Variants in INPP4B observed in about 807,000 individuals in gnomAD.
The protein encoded by INPP4B is inositol polyphosphate-4-phosphatase type II B, also known as inositol polyphosphate 4-phosphatase type II.
A neutral mutation model predicts 122.5 loss-of-function variants in INPP4B; 55 were observed. The ratio of observed to expected loss-of-function variants is 0.45; its 90% CI spans 0.36 to 0.56. The LOEUF is 0.56. Ranked by LOEUF, INPP4B falls within the 20% of genes least tolerant of loss-of-function variation. The pLI is 0.00. For synonymous variants in INPP4B, 403 were observed against 388.7 expected (o/e 1.04, Z -0.43); for missense variants, 1,000 against 1,097.7 (o/e 0.91, Z 1.26).
intron 1 of INPP4B, among the ~76,000 whole-genome samples, chr4:142,745,692 T>G (rs1390040878): frequency 1.3e-5 from 2 of 151,850 alleles, no homozygotes; most frequent in Non-Finnish European, 2.9e-5. Context: ...AAAGTCGATT[T>G]AAATTTGAAA....
chr4:142,128,038 A>G (rs1799401403), intron 18 of INPP4B, among the ~76,000 whole-genome samples: 1 of 152,208 alleles, frequency 6.6e-6, no homozygotes, highest in Non-Finnish European at 1.5e-5. Flanking sequence ...GCTTTAAAAT[A>G]TGTTTTGGGG....
In INPP4B at chr4:142,024,932, T is replaced by C. The variant is rs1185170499; in HGVS notation, c.*3850A>G. 6.6e-6 allele frequency: 1 copy of C among 152,084 alleles called. No homozygotes were observed. The highest frequency in any genetic ancestry group is 1.5e-5 in the Non-Finnish European group (1 of 68,004). 9.4% of individuals were successfully genotyped at this position (152,084 alleles called of 1,614,324 possible). The stretch of plus-strand genomic sequence containing the variant: ...TTTAATTATGAATAAAATATAGTCA[T>C]CAAATATGACTTTTAACCTAATAGG... On this transcript the variant is annotated 3_prime_UTR_variant, in exon 26 of 26. Coordinates refer to ENST00000262992, the MANE Select transcript of INPP4B (RefSeq NM_001101669.3).
chr4:142,628,265 C>T (rs1024926101), intron 2 of INPP4B, among the ~76,000 whole-genome samples: 7 of 147,946 alleles, frequency 4.7e-5, no homozygotes, highest in South Asian at 4.4e-4. Context: ...TTTGTAGGGA[C>T]ATGGATGAAA....
At chr4:142,360,027 T>C (rs999845885) in intron 7 of INPP4B, among the ~76,000 whole-genome samples, 2 of 152,020 alleles carry the variant, frequency 1.3e-5, no homozygotes, top group South Asian at 4.1e-4. Context: ...TGTTACAATA[T>C]GTTTTTGAGT....
intron 11 of INPP4B, among the ~76,000 whole-genome samples, chr4:142,249,548 A>G (rs907729212): frequency 2.6e-5 from 4 of 152,164 alleles, no homozygotes; most frequent in African/African-American, 9.7e-5. Context: ...AGTGTTTCTA[A>G]AAGGAAGGAG....
At chr4:142,070,454 C>T (rs1161062261) in intron 25 of INPP4B, among the ~76,000 whole-genome samples, 10 of 152,154 alleles carry the variant, frequency 6.6e-5, no homozygotes, top group African/African-American at 2.4e-4. Flanking sequence ...TTTCACCATT[C>T]CTCTTCAATA....
chr4:142,227,023 T>C (rs952997007), intron 12 of INPP4B, among the ~76,000 whole-genome samples: 2 of 152,056 alleles, frequency 1.3e-5, no homozygotes, highest in African/African-American at 2.4e-5. Flanking sequence ...ATTCGGCAGG[T>C]GGTTGTGTAG....
At chr4:142,545,795 G>GTATATATATA (rs1211860824) in intron 2 of INPP4B, among the ~76,000 whole-genome samples, 1 of 107,514 alleles carries the variant, frequency 9.3e-6, no homozygotes, top group South Asian at 3.2e-4. Context: ...ATATATGTGT[G>GTATATATATA]TATATATATA....
chr4:142,432,381 A>C (rs1809512464), intron 3 of INPP4B, among the ~76,000 whole-genome samples: 1 of 152,080 alleles, frequency 6.6e-6, no homozygotes, highest in African/African-American at 2.4e-5. Context: ...AGTTTAAAAA[A>C]ATCTGGCAGA....
intron 1 of INPP4B, among the ~76,000 whole-genome samples, chr4:142,844,126 A>G (rs1293905611): frequency 6.6e-6 from 1 of 152,132 alleles, no homozygotes. Flanking sequence ...CTCAAACACA[A>G]CATTTTAAAA....
intron 1 of INPP4B, among the ~76,000 whole-genome samples, chr4:142,775,565 G>A (rs1053213907): frequency 1.5e-5 from 2 of 134,440 alleles, no homozygotes; most frequent in Admixed American, 1.6e-4. Flanking sequence ...AATGGAGATG[G>A]GGTCTCACTG....
At chr4:142,287,907 G>C (rs1754547953) in intron 9 of INPP4B, among the ~76,000 whole-genome samples, 1 of 152,216 alleles carries the variant, frequency 6.6e-6, no homozygotes, top group Non-Finnish European at 1.5e-5. Flanking sequence ...GAGCTCAGCA[G>C]AGTTGGGTTC....
At chr4:142,171,319 T>C (rs1245774897) in intron 16 of INPP4B, among the ~76,000 whole-genome samples, 1 of 151,832 alleles carries the variant, frequency 6.6e-6, no homozygotes. Flanking sequence ...GTCTTGAATA[T>C]GCTATATGGA....
chr4:142,562,301 G>A lies in INPP4B; in HGVS notation c.-190-99575C>T, dbSNP rs548425446. On this transcript the variant is annotated intron_variant, in intron 2 of 25. Transcript: ENST00000262992. The stretch of plus-strand genomic sequence containing the variant: ...CAATAACTTCTGCCACTGAATGATT[G>A]TTATAAGCCTCAGTACCTTCAATAA... Among the ~76,000 whole-genome samples, 175 of 152,288 alleles carry A rather than the reference G, an allele frequency of 1.1e-3. 1 individual carries two copies. The highest frequency in any genetic ancestry group is 3.2e-3 in the Admixed American group (49 of 15,296).
chr4:142,058,296 GATC>G lies in INPP4B; in HGVS notation c.2642+23732_2642+23734del, dbSNP rs773491281. On this transcript the variant is annotated intron_variant, in intron 25 of 25. Transcript: ENST00000262992. ...TTATACTGATTTGACATTTTCATCA[GATC>G]ATATTATTATAAAGCCTTGAAATTG... Among the ~76,000 whole-genome samples the G allele has an allele frequency of 3.3e-5, 5 of 152,142 alleles. No homozygotes were observed. The East Asian group carries it at 9.7e-4, about 29-fold the overall frequency.
At chr4:142,085,998 A>C (rs1776536828) in intron 24 of INPP4B, 146 bp downstream of exon 24, 2 of 650,092 alleles carry the variant, frequency 3.1e-6, no homozygotes, top group East Asian at 5.6e-5. Flanking sequence ...ACTACCAACA[A>C]GAGTAAAAAT....
chr4:142,090,170 C>T (rs577672090), intron 23 of INPP4B, among the ~76,000 whole-genome samples: 9 of 152,302 alleles, frequency 5.9e-5, no homozygotes, highest in African/African-American at 1.9e-4. Context: ...AAATCAAGCA[C>T]CTGGCCATCC....
intron 9 of INPP4B, among the ~76,000 whole-genome samples, chr4:142,301,350 G>C (rs1421394688): frequency 6.6e-6 from 1 of 152,038 alleles, no homozygotes; most frequent in Non-Finnish European, 1.5e-5. Flanking sequence ...AATTAATTGA[G>C]ACTCCTAAAA....
At chr4:142,535,508 C>T (rs771642163) in intron 2 of INPP4B, among the ~76,000 whole-genome samples, 21 of 152,194 alleles carry the variant, frequency 1.4e-4, no homozygotes, top group Middle Eastern at 3.4e-3. Context: ...TGCTTGGCCA[C>T]GGTTGCTATT....
Sources: allele counts gnomAD v4.1 joint callset (sites outside exome capture counted in the v4.1 genomes callset), GRCh38; gene constraint gnomAD v4.1.1; transcripts MANE v1.5; gene names NCBI Gene and HGNC (gene_info 2026-07-23, HGNC 2026-07-21).